TEAD1: variants seen among roughly 807,000 people sequenced by gnomAD.
TEAD1 encodes transcriptional enhancer factor TEF-1.
In TEAD1, 9 loss-of-function variants were observed where a neutral mutation model predicts 54.9. The observed-to-expected ratio is 0.16, with a 90% CI of 0.10 to 0.29. The LOEUF (loss-of-function observed/expected upper bound fraction) is 0.29. Ranked by LOEUF, TEAD1 falls within the 10% of genes least tolerant of loss-of-function variation. The probability of loss-of-function intolerance (pLI) is 1.00; values close to 1 mark genes in which losing one functional copy is unlikely to be tolerated. For missense variants in TEAD1, 387 were observed against 535.9 expected (o/e 0.72, Z 2.74); for synonymous variants, 200 against 187.8 (o/e 1.07, Z -0.53).
chr11:12,726,553 G>GA (rs1944317255), intron 2 of TEAD1, among the ~76,000 whole-genome samples: 5 of 117,480 alleles, frequency 4.3e-5, no homozygotes, highest in Admixed American at 3.2e-4. Flanking sequence ...TAGTATGGGG[G>GA]GAAAAAAAGT....
chr11:12,893,699 G>A (rs1235775851), intron 9 of TEAD1, among the ~76,000 whole-genome samples: 4 of 152,136 alleles, frequency 2.6e-5, no homozygotes, highest in African/African-American at 9.7e-5. Context: ...TGGGAGGTGG[G>A]AAGGATGCAT....
intron 3 of TEAD1, among the ~76,000 whole-genome samples, chr11:12,815,513 C>CAGTG (rs1405810411): frequency 6.6e-6 from 1 of 152,174 alleles, no homozygotes; most frequent in Admixed American, 6.5e-5. Context: ...ATGCAAAACA[C>CAGTG]AGTGTGTAAC....
chr11:12,679,321 G>GT (rs1263411240), intron 2 of TEAD1, among the ~76,000 whole-genome samples: 1 of 152,250 alleles, frequency 6.6e-6, no homozygotes, highest in East Asian at 1.9e-4. Context: ...TGAAGGCTCT[G>GT]TCCTAGGATT....
intron 10 of TEAD1, among the ~76,000 whole-genome samples, chr11:12,924,523 G>C (rs1948872292): frequency 6.6e-6 from 1 of 152,056 alleles, no homozygotes; most frequent in Non-Finnish European, 1.5e-5. Flanking sequence ...TATGACAAAT[G>C]GCTAGTCAGC....
chr11:12,734,488 T>C (rs1944487441), intron 2 of TEAD1, among the ~76,000 whole-genome samples: 1 of 152,216 alleles, frequency 6.6e-6, no homozygotes, highest in African/African-American at 2.4e-5. Context: ...CGTACAGTAA[T>C]ATCCTAGGCC....
intron 3 of TEAD1, among the ~76,000 whole-genome samples, chr11:12,850,261 C>T (rs532972286): frequency 6.6e-6 from 1 of 152,300 alleles, no homozygotes; most frequent in South Asian, 2.1e-4. Context: ...CGTGGGGAAA[C>T]TCTGTCTCTA....
At chr11:12,731,320 A>G (rs192762544) in intron 2 of TEAD1, among the ~76,000 whole-genome samples, 3 of 152,352 alleles carry the variant, frequency 2.0e-5, no homozygotes, top group Admixed American at 1.3e-4. Flanking sequence ...AATACAGAGA[A>G]GCAAAAACTA....
intron 3 of TEAD1, among the ~76,000 whole-genome samples, chr11:12,821,255 A>G (rs1946539316): frequency 6.6e-6 from 1 of 152,158 alleles, no homozygotes; most frequent in South Asian, 2.1e-4. Flanking sequence ...TGGATCAGTG[A>G]TTTGCCATTT....
chr11:12,813,849 G>A (rs1482088056), intron 3 of TEAD1, among the ~76,000 whole-genome samples: 1 of 152,154 alleles, frequency 6.6e-6, no homozygotes, highest in Non-Finnish European at 1.5e-5. Context: ...TAGCTGGGGT[G>A]TGTCCTCTCC....
chr11:12,930,399 T>C, intron 12 of TEAD1, 73 bp downstream of exon 12: 1 of 1,580,404 alleles, frequency 6.3e-7, no homozygotes, highest in Non-Finnish European at 8.7e-7. Context: ...AAGGTGGGCC[T>C]GGGAGGCGCT....
In TEAD1 at chr11:12,939,246, C is replaced by G. The variant is rs1949137956; in HGVS notation, c.*2024C>G. 1 of 152,348 alleles carries G rather than the reference C, an allele frequency of 6.6e-6. No homozygotes were observed. Among genetic ancestry groups the G allele is most frequent in the Non-Finnish European group, 1.5e-5 (1 of 68,132 alleles). The allele number at this position is 152,348 out of a possible 1,614,324, so 9.4% of individuals were successfully genotyped here. On this transcript the variant is annotated 3_prime_UTR_variant, in exon 13 of 13. Transcript: ENST00000527636. ...CCAGGCTGGCCTGTGAAGGATTGCC[C>G]CAGGTGTCCCCTTTCACGGTTGTCA...
chr11:12,783,768 T>C (rs1393998724), intron 3 of TEAD1, among the ~76,000 whole-genome samples: 1 of 152,144 alleles, frequency 6.6e-6, no homozygotes, highest in Non-Finnish European at 1.5e-5. Flanking sequence ...ATACAGTGTT[T>C]TCAGGAGTAG....
intron 3 of TEAD1, among the ~76,000 whole-genome samples, chr11:12,813,187 G>C (rs1353940576): frequency 6.6e-6 from 1 of 152,166 alleles, no homozygotes; most frequent in Non-Finnish European, 1.5e-5. Flanking sequence ...GGCAAACTGG[G>C]GGCTCCCTGG....
intron 3 of TEAD1, among the ~76,000 whole-genome samples, chr11:12,778,038 A>G (rs377184934): frequency 1.4e-4 from 22 of 152,198 alleles, no homozygotes; most frequent in South Asian, 6.2e-4. Flanking sequence ...TATGCTTGCA[A>G]TGTGCCAGGT....
At chr11:12,762,773 G>A (rs1800120373) in intron 2 of TEAD1, among the ~76,000 whole-genome samples, 1 of 152,190 alleles carries the variant, frequency 6.6e-6, no homozygotes. Context: ...ATATACACAG[G>A]TGGGGGAGGA....
chr11:12,924,848 A>G, intron 10 of TEAD1, 64 bp from the exon 11 acceptor site: 1 of 1,600,914 alleles, frequency 6.2e-7, no homozygotes, highest in Non-Finnish European at 8.6e-7. Context: ...CCTGAAAGTT[A>G]CTGCTCGGTG....
chr11:12,843,439 T>A (rs973691886), intron 3 of TEAD1, among the ~76,000 whole-genome samples: 1 of 152,242 alleles, frequency 6.6e-6, no homozygotes, highest in Admixed American at 6.5e-5. Context: ...TGTAATAAAA[T>A]ACTGTTTATA....
At chr11:12,728,618 C>A (rs1043007717) in intron 2 of TEAD1, among the ~76,000 whole-genome samples, 1 of 152,138 alleles carries the variant, frequency 6.6e-6, no homozygotes, top group South Asian at 2.1e-4. Context: ...CTTGTAATAG[C>A]GGCAGATAAA....
At position 12,837,681 on chromosome 11, in the gene TEAD1, T is replaced by TTTCTCCC. The variant is rs145222171; in HGVS notation, c.203-24541_203-24535dup. Among the ~76,000 whole-genome samples the TTTCTCCC allele has an allele frequency of 8.8e-4, 73 of 83,038 alleles. 1 individual carries two copies. Among genetic ancestry groups the TTTCTCCC allele is most frequent in the African/African-American group, 2.6e-3 (69 of 26,078 alleles). The allele number at this position is 83,038 out of a possible 152,430, so 54.5% of individuals were successfully genotyped here. ...TCTCCTTCTTCTTCCTTCTTCCTTC[T>TTTCTCCC]TTCTCCCTTCTCCCTTCTCCCTTCT... On this transcript the variant is annotated intron_variant, in intron 3 of 12. Transcript: ENST00000527636.
Sources: gnomAD v4.1 joint callset for allele counts (sites outside exome capture counted in the v4.1 genomes callset) on GRCh38, gnomAD v4.1.1 for gene constraint, MANE v1.5 for transcripts, NCBI Gene and HGNC (gene_info 2026-07-23, HGNC 2026-07-21) for gene names.